The following SCRG1 variants were observed in gnomAD, a reference collection of about 807,000 sequenced individuals.
The protein encoded by SCRG1 is scrapie-responsive protein 1.
A neutral mutation model predicts 7.7 loss-of-function variants in SCRG1; 3 were observed. That is an observed-to-expected ratio of 0.39 (90% confidence interval 0.18 to 1.01). SCRG1 has a LOEUF of 1.01. Among genes scored for constraint, SCRG1 ranks in the 50% least tolerant of loss-of-function variants. The pLI is 0.36. For synonymous variants in SCRG1, 46 were observed against 41.2 expected (o/e 1.12, Z -0.44); for missense variants, 110 against 117.2 (o/e 0.94, Z 0.28).
At chr4:173,469,170 G>A in the SCRG1 span, 1 of 152,128 alleles carries the variant, frequency 6.6e-6, no homozygotes, top group Non-Finnish European at 1.5e-5. Context: ...TTGGTGATGG[G>A]CCATGAAAAA....
At chr4:173,443,258 T>C in the SCRG1 span, among the ~76,000 whole-genome samples, 1 of 152,142 alleles carries the variant, frequency 6.6e-6, no homozygotes, top group East Asian at 1.9e-4. Flanking sequence ...AAGGAAATGA[T>C]GAGAGACTTG....
the SCRG1 span, among the ~76,000 whole-genome samples, chr4:173,484,218 TTA>T: frequency 2.3e-5 from 2 of 88,174 alleles, no homozygotes; most frequent in Non-Finnish European, 3.9e-5. Context: ...ATTTTCTATA[TTA>T]TATATAATAT....
At chr4:173,477,742 CCTTCCTTCCTTCCTTCCTTCCT>C in the SCRG1 span, among the ~76,000 whole-genome samples, 9 of 147,394 alleles carry the variant, frequency 6.1e-5, no homozygotes, top group Admixed American at 2.1e-4. Context: ...TTCCTTCCTT[CCTTCCTTCCTTCCTTCCTTCCT>C]TCCTTCTTTC....
At chr4:173,400,636 C>G (rs1165504104), upstream of SCRG1, among the ~76,000 whole-genome samples, 2 of 152,182 alleles carry the variant, frequency 1.3e-5, no homozygotes. Flanking sequence ...TAAGAAGTTA[C>G]TGTGCTCTTA....
At chr4:173,483,730 CAT>C in the SCRG1 span, among the ~76,000 whole-genome samples, 2 of 1,440 alleles carry the variant, frequency 1.4e-3, 1 homozygote, top group African/African-American at 1.9e-3. Context: ...TGTGATATAT[CAT>C]ATATATGATA....
the SCRG1 span, among the ~76,000 whole-genome samples, chr4:173,488,358 C>T: frequency 6.6e-6 from 1 of 152,092 alleles, no homozygotes; most frequent in African/African-American, 2.4e-5. Flanking sequence ...GATTATTTAA[C>T]TTGGTAGGTG....
the SCRG1 span, among the ~76,000 whole-genome samples, chr4:173,512,632 G>A: frequency 6.6e-6 from 1 of 152,154 alleles, no homozygotes; most frequent in Admixed American, 6.5e-5. Context: ...GGTACCACAA[G>A]TCACAGAGCA....
At chr4:173,438,313 G>C in the SCRG1 span, among the ~76,000 whole-genome samples, 14 of 151,464 alleles carry the variant, frequency 9.2e-5, no homozygotes, top group African/African-American at 3.1e-4. Flanking sequence ...TGTAGAGATG[G>C]GCTTTCTCCA....
chr4:173,491,215 C>CTTTTT, the SCRG1 span, among the ~76,000 whole-genome samples: 2 of 132,958 alleles, frequency 1.5e-5, no homozygotes, highest in Middle Eastern at 3.6e-3. Context: ...CTCTCTCTCT[C>CTTTTT]TCTTTTTTTT....
At chr4:173,484,225 T>G in the SCRG1 span, among the ~76,000 whole-genome samples, 2 of 84,512 alleles carry the variant, frequency 2.4e-5, no homozygotes, top group South Asian at 7.5e-4. Flanking sequence ...ATATTATATA[T>G]AATATATATT....
the SCRG1 span, among the ~76,000 whole-genome samples, chr4:173,461,625 A>G: frequency 2.0e-5 from 3 of 152,196 alleles, no homozygotes; most frequent in East Asian, 5.8e-4. Context: ...AAAGACTACA[A>G]TAAATACCTA....
chr4:173,451,186 A>G, the SCRG1 span, among the ~76,000 whole-genome samples: 1 of 151,268 alleles, frequency 6.6e-6, no homozygotes, highest in South Asian at 2.1e-4. Context: ...ACAGCCTCTG[A>G]TCTCCTAGTT....
chr4:173,446,138 C>T, the SCRG1 span, among the ~76,000 whole-genome samples: 2 of 152,026 alleles, frequency 1.3e-5, no homozygotes, highest in East Asian at 1.9e-4. Flanking sequence ...TAATGGTTTC[C>T]CTTTTGTGCC....
the SCRG1 span, chr4:173,467,733 G>A: frequency 1.3e-5 from 2 of 152,084 alleles, no homozygotes; most frequent in Non-Finnish European, 1.5e-5. Flanking sequence ...AATTATAAAA[G>A]CCACATGTGT....
chr4:173,518,186 G>T, the SCRG1 span, among the ~76,000 whole-genome samples: 1 of 152,238 alleles, frequency 6.6e-6, no homozygotes, highest in Admixed American at 6.5e-5. Context: ...AAAGAGGACC[G>T]GGAGGGCAGG....
the SCRG1 span, among the ~76,000 whole-genome samples, chr4:173,472,283 T>C: frequency 6.6e-6 from 1 of 152,254 alleles, no homozygotes; most frequent in Non-Finnish European, 1.5e-5. Context: ...TTATCTCCAG[T>C]ATATAACTTT....
chr4:173,450,682 C>T, the SCRG1 span, among the ~76,000 whole-genome samples: 1 of 152,194 alleles, frequency 6.6e-6, no homozygotes, highest in Non-Finnish European at 1.5e-5. Context: ...TTCTCTCAGA[C>T]TCTCAGATAG....
the SCRG1 span, among the ~76,000 whole-genome samples, chr4:173,429,169 G>T: frequency 6.6e-6 from 1 of 152,158 alleles, no homozygotes; most frequent in Non-Finnish European, 1.5e-5. Context: ...GATTTCCCCA[G>T]GGACAGCTGG....
At chr4:173,483,212 CATATAATAT>C in the SCRG1 span, among the ~76,000 whole-genome samples, 13 of 14,672 alleles carry the variant, frequency 8.9e-4, no homozygotes, top group African/African-American at 1.9e-3. Context: ...TATGATATAT[CATATAATAT>C]ATATATTATA....
Sources: gnomAD v4.1 joint callset for allele counts (sites outside exome capture counted in the v4.1 genomes callset) on GRCh38, gnomAD v4.1.1 for gene constraint, MANE v1.5 for transcripts, NCBI Gene and HGNC (gene_info 2026-07-23, HGNC 2026-07-21) for gene names.